Variants in ULK4 observed in about 807,000 individuals in gnomAD.
ULK4 encodes the protein inactive serine/threonine-protein kinase ULK4.
A neutral mutation model predicts 160.6 loss-of-function variants in ULK4; 133 were observed. The observed-to-expected ratio is 0.83, with a 90% CI of 0.72 to 0.96. ULK4 has a LOEUF of 0.96. Ranked by LOEUF, ULK4 falls within the 40% of genes least tolerant of loss-of-function variation. The probability of loss-of-function intolerance (pLI) is 0.00; values close to 1 mark genes in which losing one functional copy is unlikely to be tolerated. For missense variants in ULK4, 1,580 were observed against 1,499.5 expected (o/e 1.05, Z -0.89); for synonymous variants, 534 against 539.8 (o/e 0.99, Z 0.15).
At chr3:41,305,172 A>G (rs1226958403) in intron 35 of ULK4, among the ~76,000 whole-genome samples, 1 of 134,134 alleles carries the variant, frequency 7.5e-6, no homozygotes. Flanking sequence ...AGGTGATTCA[A>G]AACTGGAATA....
At chr3:41,939,065 T>C (rs1190455471) in intron 2 of ULK4, among the ~76,000 whole-genome samples, 1 of 151,962 alleles carries the variant, frequency 6.6e-6, no homozygotes, top group East Asian at 1.9e-4. Flanking sequence ...TTATGTTAAT[T>C]GAAAAGGGCA....
At chr3:41,408,325 G>C (rs2082337657) in intron 34 of ULK4, among the ~76,000 whole-genome samples, 1 of 150,658 alleles carries the variant, frequency 6.6e-6, no homozygotes, top group South Asian at 2.1e-4. Flanking sequence ...CTACTGGGGA[G>C]GCTGCAGCAG....
chr3:41,697,186 A>G (rs892670277), intron 27 of ULK4, among the ~76,000 whole-genome samples: 3 of 152,228 alleles, frequency 2.0e-5, no homozygotes, highest in African/African-American at 4.8e-5. Context: ...ATGCTTATTC[A>G]TATCAGTTAA....
chr3:41,744,762 T>C (rs1299894826), intron 22 of ULK4, among the ~76,000 whole-genome samples: 1 of 151,892 alleles, frequency 6.6e-6, no homozygotes, highest in East Asian at 1.9e-4. Flanking sequence ...AGAATGTACA[T>C]GCTTTTCAAG....
chr3:41,552,575 A>G (rs563120609), intron 32 of ULK4, among the ~76,000 whole-genome samples: 1 of 151,980 alleles, frequency 6.6e-6, no homozygotes, highest in African/African-American at 2.4e-5. Flanking sequence ...GGAAAACTTC[A>G]AAACATAAGA....
chr3:41,860,531 A>C (rs746924300), intron 17 of ULK4, among the ~76,000 whole-genome samples: 2 of 152,176 alleles, frequency 1.3e-5, no homozygotes, highest in Non-Finnish European at 2.9e-5. Context: ...TGTAATGTAA[A>C]TATAACTACT....
chr3:41,937,500 G>C (rs557384852), intron 3 of ULK4, among the ~76,000 whole-genome samples: 69 of 149,686 alleles, frequency 4.6e-4, no homozygotes, highest in African/African-American at 1.7e-3. Flanking sequence ...ATAAACAGAA[G>C]TACACTAACA....
At chr3:41,463,404 T>G (rs1272911943) in intron 32 of ULK4, 151 bp from the exon 33 acceptor site, 1 of 741,066 alleles carries the variant, frequency 1.3e-6, no homozygotes, top group Non-Finnish European at 2.0e-6. Context: ...AGGAAAGTTG[T>G]TTAAAATGCA....
chr3:41,843,648 G>A (rs1230575374), intron 17 of ULK4, among the ~76,000 whole-genome samples: 2 of 152,164 alleles, frequency 1.3e-5, no homozygotes, highest in East Asian at 3.8e-4. Context: ...CGTGGTGAGT[G>A]TTACAGCTCA....
chr3:41,439,416 G>A (rs2083110360), intron 34 of ULK4, among the ~76,000 whole-genome samples: 1 of 152,092 alleles, frequency 6.6e-6, no homozygotes, highest in African/African-American at 2.4e-5. Flanking sequence ...AGACTGAAAT[G>A]GAGGAAACCA....
intron 17 of ULK4, among the ~76,000 whole-genome samples, chr3:41,851,269 G>A (rs1378370218): frequency 2.6e-5 from 4 of 151,648 alleles, no homozygotes; most frequent in African/African-American, 9.8e-5. Flanking sequence ...CTAATTTATT[G>A]AGAGTTTTTA....
chr3:41,308,498 CACAGATACTGGAA>C (rs1361077647), intron 35 of ULK4, among the ~76,000 whole-genome samples: 2 of 150,832 alleles, frequency 1.3e-5, no homozygotes, highest in Non-Finnish European at 3.0e-5. Flanking sequence ...AAGATCAGGA[CACAGATACTGGAA>C]ACAGATACTG....
intron 17 of ULK4, among the ~76,000 whole-genome samples, chr3:41,846,058 A>G (rs1477784232): frequency 6.6e-6 from 1 of 152,224 alleles, no homozygotes; most frequent in Non-Finnish European, 1.5e-5. Flanking sequence ...CCTCCAGCAT[A>G]ATAGAAATTG....
At chr3:41,838,055 C>T (rs933915869) in intron 17 of ULK4, among the ~76,000 whole-genome samples, 3 of 152,168 alleles carry the variant, frequency 2.0e-5, no homozygotes, top group Non-Finnish European at 4.4e-5. Context: ...TTGACCTTTG[C>T]TGATCATCTA....
intron 32 of ULK4, among the ~76,000 whole-genome samples, chr3:41,469,531 C>T (rs2083917513): frequency 1.4e-5 from 2 of 144,698 alleles, no homozygotes; most frequent in Non-Finnish European, 3.0e-5. Flanking sequence ...GCAAGCTCTG[C>T]CTGCCCATGG....
chr3:41,260,694 G>T (rs1041017065), intron 35 of ULK4, among the ~76,000 whole-genome samples: 1 of 152,206 alleles, frequency 6.6e-6, no homozygotes, highest in East Asian at 1.9e-4. Flanking sequence ...AAGAGGCAGG[G>T]TCTTACAGAA....
chr3:41,265,207 G>A (rs577443991), intron 35 of ULK4, among the ~76,000 whole-genome samples: 21 of 152,216 alleles, frequency 1.4e-4, no homozygotes, highest in Admixed American at 3.3e-4. Context: ...ACGGCCACAG[G>A]GGGCCACGGC....
intron 32 of ULK4, among the ~76,000 whole-genome samples, chr3:41,506,767 A>AAAAAAAAAAAAAAAAAAAAAAAATAAAT: frequency 1.8e-5 from 1 of 56,766 alleles, no homozygotes; most frequent in Non-Finnish European, 3.1e-5. Context: ...TGTGATTTAA[A>AAAAAAAAAAAAAAAAAAAAAAAATAAAT]ATATATATAT....
intron 35 of ULK4, among the ~76,000 whole-genome samples, chr3:41,270,281 A>G (rs2079117500): frequency 6.6e-6 from 1 of 151,820 alleles, no homozygotes; most frequent in South Asian, 2.1e-4. Context: ...CTGGAGAGTC[A>G]TGCTAAGTAC....
Sources: allele counts gnomAD v4.1 joint callset (sites outside exome capture counted in the v4.1 genomes callset), GRCh38; gene constraint gnomAD v4.1.1; transcripts MANE v1.5; gene names NCBI Gene and HGNC (gene_info 2026-07-23, HGNC 2026-07-21).